Variants in ART3 observed in about 807,000 individuals in gnomAD.
ART3 encodes the protein ecto-ADP-ribosyltransferase 3.
A neutral mutation model predicts 48.5 loss-of-function variants in ART3; 49 were observed. The observed-to-expected ratio is 1.01, with a 90% CI of 0.80 to 1.28. ART3 has a LOEUF of 1.28. ART3 is among the 50% of genes most tolerant of loss of function. The pLI is 0.00. For missense variants in ART3, 438 were observed against 454.3 expected, an observed-to-expected ratio of 0.96 and a Z score of 0.33; for synonymous variants, 145 against 157.2, an observed-to-expected ratio of 0.92 and a Z score of 0.58.
chr4:76,051,444 A>T (rs1736078162), intron 1 of ART3, among the ~76,000 whole-genome samples: 1 of 152,178 alleles, frequency 6.6e-6, no homozygotes, highest in African/African-American at 2.4e-5. Flanking sequence ...TTTTTTCATC[A>T]AAACTTGGAG....
rs140120881 is a variant in ART3, at chr4:76,102,595, T to C, written c.938-1342T>C. On this transcript the variant is annotated intron_variant, in intron 8 of 11. Transcript: ENST00000355810. ...TCATGTTTTCAAAACCATCTAAAGA[T>C]AGAAGAAAGTACTCTTAATACAATG... is the stretch of plus-strand genomic sequence containing the variant. 3.6e-3 allele frequency among the ~76,000 whole-genome samples: 526 copies of C among 146,766 alleles called. 2 individuals carry two copies. Among genetic ancestry groups the C allele is most frequent in the Non-Finnish European group, 6.2e-3 (406 of 65,394 alleles).
rs768371494 is a variant in ART3 at position 76,104,905 on chromosome 4, C to A, written c.1003+276C>A. 6.7e-4 allele frequency among the ~76,000 whole-genome samples: 102 copies of A among 152,212 alleles called. 2 individuals carry two copies. The highest frequency in any genetic ancestry group is 5.8e-4 in the East Asian group (3 of 5,190). On this transcript the variant is annotated intron_variant, in intron 10 of 11. Coordinates refer to ENST00000355810, the MANE Select transcript of ART3 (RefSeq NM_001130016.3). ...GTTTTGTTATTATGGAAATGATGAT[C>A]TGTTAAGGAAATTAGATATTTGGCA...
intron 9 of ART3, 59 bp downstream of exon 9, chr4:76,104,028 G>T: frequency 1.3e-6 from 2 of 1,514,616 alleles, no homozygotes; most frequent in Non-Finnish European, 1.8e-6. Context: ...GGATTCCCAG[G>T]CATTTAAGAG....
At chr4:76,075,492 T>G (rs777567851) in intron 1 of ART3, among the ~76,000 whole-genome samples, 3 of 152,156 alleles carry the variant, frequency 2.0e-5, no homozygotes, top group Non-Finnish European at 2.9e-5. Context: ...AGGGGACCAA[T>G]TTGAGACTGC....
chr4:76,036,003 TTGCTGCTGGTGCTGC>T (rs1734366486), intron 1 of ART3: 1 of 1,613,014 alleles, frequency 6.2e-7, no homozygotes, highest in East Asian at 2.2e-5. Flanking sequence ...TTTTTTGCTG[TTGCTGCTGGTGCTGC>T]TGCTGCTACT....
chr4:76,103,969 G>C lies in ART3; in HGVS notation c.970G>C (p.Gly324Arg), dbSNP rs1330477872. The change falls in exon 9 of 12, where the codon GGA (glycine) becomes CGA (arginine). Residue 324 changes from glycine to arginine, a missense_variant and splice_region_variant. By Grantham distance (125) the Gly-to-Arg change is moderately radical. Around this residue, in one of 3 missense-constraint regions of ART3, gnomAD observed 227 missense variants for 229.6 expected, o/e 0.99. Transcript: ENST00000355810. ...AATCCTTGAACCCACCCAAATACCT[G>C]GTAAGACAGCTTTCTATTTACTCCC... ...VKILEPTQIP[G>R]MKIPEPFPLP... The C allele has an allele frequency of 6.2e-7, 1 of 1,613,312 alleles. No individual in the cohort carries two copies. The highest frequency in any genetic ancestry group is 1.1e-5 in the South Asian group (1 of 91,030).
chr4:76,029,722 C>T (rs984827540), intron 1 of ART3, among the ~76,000 whole-genome samples: 1 of 152,150 alleles, frequency 6.6e-6, no homozygotes, highest in Non-Finnish European at 1.5e-5. Flanking sequence ...AGGTCCTGTA[C>T]TCAGTAGCCA....
chr4:76,057,576 T>C (rs1377087445), intron 1 of ART3, among the ~76,000 whole-genome samples: 3 of 152,222 alleles, frequency 2.0e-5, no homozygotes, highest in East Asian at 1.9e-4. Context: ...CCACATGTAC[T>C]CTGCATCTAT....
intron 1 of ART3, chr4:76,041,494 T>A (rs1036759546): frequency 6.6e-6 from 1 of 152,136 alleles, no homozygotes; most frequent in Non-Finnish European, 1.5e-5. Flanking sequence ...TCTAACTTTA[T>A]CCAGTAGAAA....
At chr4:76,028,210 C>T (rs1733581715) in intron 1 of ART3, among the ~76,000 whole-genome samples, 1 of 151,986 alleles carries the variant, frequency 6.6e-6, no homozygotes. Context: ...AGTAGCAAGC[C>T]CACTATTACT....
intron 1 of ART3, among the ~76,000 whole-genome samples, chr4:76,059,276 A>G (rs1718960980): frequency 6.6e-6 from 1 of 152,106 alleles, no homozygotes; most frequent in African/African-American, 2.4e-5. Flanking sequence ...TTGGTGGGGC[A>G]GGGGAAGAAT....
chr4:76,111,207 A>G (rs181456461), intron 11 of ART3, among the ~76,000 whole-genome samples: 243 of 151,644 alleles, frequency 1.6e-3, no homozygotes, highest in Non-Finnish European at 2.6e-3. Context: ...ATCACAGCAA[A>G]AAGTGATCTC....
chr4:76,073,584 ACATAT>A (rs912900549), upstream of ART3, among the ~76,000 whole-genome samples: 11 of 152,228 alleles, frequency 7.2e-5, no homozygotes, highest in Admixed American at 1.3e-4. Flanking sequence ...CAAAAAAAAC[ACATAT>A]CATAAGTATA....
At chr4:76,029,368 G>A (rs1733680123) in intron 1 of ART3, among the ~76,000 whole-genome samples, 1 of 152,184 alleles carries the variant, frequency 6.6e-6, no homozygotes, top group Admixed American at 6.5e-5. Flanking sequence ...CAGCACTAAG[G>A]AACTATGAAT....
chr4:76,105,944 T>G (rs1455727849), intron 10 of ART3: 4 of 984,792 alleles, frequency 4.1e-6, no homozygotes, highest in South Asian at 4.7e-5. Flanking sequence ...TGTGTGCTCC[T>G]CACCACACTC....
chr4:76,024,423 GC>G (rs1733180848), intron 1 of ART3, among the ~76,000 whole-genome samples: 1 of 152,096 alleles, frequency 6.6e-6, no homozygotes, highest in Non-Finnish European at 1.5e-5. Flanking sequence ...AAAAGTGTTG[GC>G]CATTGAGCTA....
chr4:76,024,846 T>C (rs4417995), intron 1 of ART3, among the ~76,000 whole-genome samples: 92,990 of 152,032 alleles, frequency 0.61, 29,511 homozygotes, highest in East Asian at 0.94. Flanking sequence ...GCTACTGTAC[T>C]AGGCAGATAC....
chr4:76,080,293 C>T (rs1176515932), intron 2 of ART3, among the ~76,000 whole-genome samples: 5 of 152,080 alleles, frequency 3.3e-5, no homozygotes, highest in African/African-American at 1.2e-4. Flanking sequence ...AAGGATCTAA[C>T]AGTATAATAC....
Position 76,035,418 on chromosome 4 carries a change from C to T in ART3, c.-10+24098C>T, listed in dbSNP as rs373266766. On this transcript the variant is annotated intron_variant, in intron 1 of 9. Transcript: ENST00000341029. ...GCTGTGGTTTATAGCTGGTGGTGAACGTGAGCAGAATTTTCATTAAGGGTA... is the reference window on the plus strand; with the variant it reads ...GCTGTGGTTTATAGCTGGTGGTGAATGTGAGCAGAATTTTCATTAAGGGTA... 67 of 1,470,712 alleles carry T rather than the reference C, an allele frequency of 4.6e-5. 1 individual carries two copies. Among genetic ancestry groups the T allele is most frequent in the Admixed American group, 3.5e-4 (17 of 48,092 alleles). The allele number at this position is 1,470,712 out of a possible 1,614,324, so 91.1% of individuals were successfully genotyped here.
Sources: gnomAD v4.1 joint callset for allele counts (sites outside exome capture counted in the v4.1 genomes callset) on GRCh38, gnomAD v4.1.1 for gene constraint, gnomAD v4.1.1 regional missense constraint, MANE v1.5 for transcripts, NCBI Gene and HGNC (gene_info 2026-07-23, HGNC 2026-07-21) for gene names.